The following ZNF385D variants were observed in gnomAD, a reference collection of about 807,000 sequenced individuals.
ZNF385D encodes zinc finger protein 385D.
A neutral mutation model predicts 35.8 loss-of-function variants in ZNF385D; 15 were observed. The ratio of observed to expected loss-of-function variants is 0.42; its 90% CI spans 0.28 to 0.64. The LOEUF is 0.64. Among genes scored for constraint, ZNF385D ranks in the 30% least tolerant of loss-of-function variants. The pLI is 0.23. For synonymous variants in ZNF385D, 212 were observed against 186.8 expected (o/e 1.13, Z -1.10); for missense variants, 474 against 494.6 (o/e 0.96, Z 0.39).
chr3:21,522,660 A>C (rs537314341), intron 3 of ZNF385D, among the ~76,000 whole-genome samples: 1 of 152,162 alleles, frequency 6.6e-6, no homozygotes, highest in Admixed American at 6.5e-5. Flanking sequence ...CCAAAATTGC[A>C]GAACGAAGTG....
At chr3:21,769,100 C>T (rs1330110144) in intron 3 of ZNF385D, among the ~76,000 whole-genome samples, 2 of 151,868 alleles carry the variant, frequency 1.3e-5, no homozygotes, top group African/African-American at 2.4e-5. Flanking sequence ...TGTCAAAGGC[C>T]CTTTCTGCAT....
intron 1 of ZNF385D, among the ~76,000 whole-genome samples, chr3:21,726,035 A>G (rs1165146063): frequency 2.6e-5 from 4 of 152,202 alleles, no homozygotes; most frequent in Non-Finnish European, 5.9e-5. Flanking sequence ...ACACAAATCA[A>G]TATACATAAT....
At chr3:21,832,531 C>T (rs958527596) in intron 3 of ZNF385D, among the ~76,000 whole-genome samples, 3 of 152,146 alleles carry the variant, frequency 2.0e-5, no homozygotes, top group African/African-American at 7.2e-5. Flanking sequence ...TGGGGAGTTG[C>T]TCTCCCTTTT....
At chr3:21,763,438 C>G (rs1215409048) in intron 3 of ZNF385D, among the ~76,000 whole-genome samples, 2 of 151,970 alleles carry the variant, frequency 1.3e-5, no homozygotes, top group African/African-American at 4.8e-5. Flanking sequence ...AGAAAAAGAC[C>G]CTAATTAATT....
chr3:21,633,327 A>G (rs1295263087), intron 2 of ZNF385D, among the ~76,000 whole-genome samples: 1 of 152,092 alleles, frequency 6.6e-6, no homozygotes, highest in East Asian at 1.9e-4. Flanking sequence ...CAAAATGATG[A>G]AACTTTAAAT....
chr3:21,648,978 A>T (rs1253314578), intron 2 of ZNF385D, among the ~76,000 whole-genome samples: 1 of 152,148 alleles, frequency 6.6e-6, no homozygotes, highest in Non-Finnish European at 1.5e-5. Context: ...CTTTCCCTAC[A>T]TTATATATCT....
At chr3:22,351,669 C>T (rs985283396) in intron 2 of ZNF385D, among the ~76,000 whole-genome samples, 1 of 152,050 alleles carries the variant, frequency 6.6e-6, no homozygotes, top group Admixed American at 6.6e-5. Flanking sequence ...TACAATGATA[C>T]TTGGTGGTAG....
At chr3:21,752,409 G>T (rs6804285), upstream of ZNF385D, among the ~76,000 whole-genome samples, 124,475 of 152,116 alleles carry the variant, frequency 0.82, 51,250 homozygotes, top group East Asian at 0.98. Flanking sequence ...TGATAGCAAA[G>T]ATTTCTACAT....
chr3:21,944,957 T>A (rs1701702875), intron 3 of ZNF385D, among the ~76,000 whole-genome samples: 2 of 152,072 alleles, frequency 1.3e-5, no homozygotes, highest in Admixed American at 6.6e-5. Context: ...CTCATTTACA[T>A]AGAAAACATT....
intron 2 of ZNF385D, among the ~76,000 whole-genome samples, chr3:21,632,909 TTCTA>T (rs1345131136): frequency 6.6e-6 from 1 of 152,154 alleles, no homozygotes; most frequent in Non-Finnish European, 1.5e-5. Context: ...GACATTTGCA[TTCTA>T]TCTATTTTAT....
At chr3:22,270,941 C>T (rs914780291) in intron 2 of ZNF385D, among the ~76,000 whole-genome samples, 1 of 151,992 alleles carries the variant, frequency 6.6e-6, no homozygotes, top group Non-Finnish European at 1.5e-5. Flanking sequence ...TTCAGTTAAT[C>T]TCCAAGTGTA....
chr3:21,815,615 C>G (rs1156749705), intron 3 of ZNF385D, among the ~76,000 whole-genome samples: 1 of 152,114 alleles, frequency 6.6e-6, no homozygotes, highest in Non-Finnish European at 1.5e-5. Context: ...ACACACCATC[C>G]CAAGACTAAA....
intron 3 of ZNF385D, among the ~76,000 whole-genome samples, chr3:22,118,693 T>G (rs778193265): frequency 2.0e-5 from 3 of 152,106 alleles, no homozygotes; most frequent in Non-Finnish European, 4.4e-5. Context: ...AAAGAGCAGA[T>G]AGCTGTTTTG....
intron 2 of ZNF385D, among the ~76,000 whole-genome samples, chr3:22,176,760 T>C (rs1694856855): frequency 6.6e-6 from 1 of 152,160 alleles, no homozygotes; most frequent in Non-Finnish European, 1.5e-5. Context: ...AATTTTACCT[T>C]AATCTTCAAA....
chr3:21,856,966 T>C (rs1034190089), intron 3 of ZNF385D, among the ~76,000 whole-genome samples: 2 of 152,046 alleles, frequency 1.3e-5, no homozygotes, highest in African/African-American at 4.8e-5. Context: ...GTAAGGTAAA[T>C]AGGTAACCTT....
At chr3:21,485,078 A>G (rs1704934101) in intron 4 of ZNF385D, among the ~76,000 whole-genome samples, 1 of 152,152 alleles carries the variant, frequency 6.6e-6, no homozygotes. Flanking sequence ...CTTTATATTC[A>G]TAATTAATGC....
chr3:21,784,662 A>G (rs570998632), intron 3 of ZNF385D, among the ~76,000 whole-genome samples: 56 of 151,946 alleles, frequency 3.7e-4, no homozygotes, highest in Non-Finnish European at 7.2e-4. Flanking sequence ...GTATTTTTAA[A>G]TTGTATATAT....
At chr3:22,203,360 T>C (rs1471015479) in intron 2 of ZNF385D, among the ~76,000 whole-genome samples, 1 of 151,850 alleles carries the variant, frequency 6.6e-6, no homozygotes, top group East Asian at 1.9e-4. Context: ...GATTAAAGAG[T>C]CCCTGAGTCT....
intron 3 of ZNF385D, among the ~76,000 whole-genome samples, chr3:22,030,255 T>TCATA (rs1697854712): frequency 3.6e-5 from 1 of 27,916 alleles, no homozygotes; most frequent in Non-Finnish European, 6.5e-5. Flanking sequence ...ATAAACTCAT[T>TCATA]CATATATATA....
Sources: gnomAD v4.1 joint callset for allele counts (sites outside exome capture counted in the v4.1 genomes callset) on GRCh38, gnomAD v4.1.1 for gene constraint, MANE v1.5 for transcripts, NCBI Gene and HGNC (gene_info 2026-07-23, HGNC 2026-07-21) for gene names.